The following ADGRE1 variants were observed in gnomAD, a reference collection of about 807,000 sequenced individuals.
ADGRE1 encodes adhesion G protein-coupled receptor E1.
Under a neutral mutation model 102.7 loss-of-function variants are expected in ADGRE1, and 82 were observed. The ratio of observed to expected loss-of-function variants is 0.80; its 90% CI spans 0.67 to 0.96. The LOEUF is 0.96. Among genes scored for constraint, ADGRE1 ranks in the 40% least tolerant of loss-of-function variants. The pLI is 0.00. For synonymous variants in ADGRE1, 398 were observed against 399.6 expected (o/e 1.00, Z 0.05); for missense variants, 1,032 against 1,085.3 (o/e 0.95, Z 0.69).
At chr19:6,906,563 G>T in intron 9 of ADGRE1, 42 bp downstream of exon 9, 1 of 1,574,748 alleles carries the variant, frequency 6.4e-7, no homozygotes, top group South Asian at 1.1e-5. Context: ...GGTTTTCTTA[G>T]AAGCCATTTA....
Position 6,893,275 on chromosome 19 carries a change from A to G in ADGRE1, c.94+2732A>G, listed in dbSNP as rs966431674. Among the ~76,000 whole-genome samples the G allele has an allele frequency of 5.3e-5, 8 of 152,150 alleles. No individual in the cohort carries two copies. The East Asian group carries it at 1.4e-3, about 26-fold the overall frequency. ...TGCAATGGCGCAATCTTGGGTCACC[A>G]CAACCTCCGCCTCCCCAGTTCAAGT... is the stretch of plus-strand genomic sequence containing the variant. On this transcript the variant is annotated intron_variant, in intron 2 of 20. Transcript: ENST00000312053.
Position 6,890,468 on chromosome 19 carries a change from T to C in ADGRE1, c.32-13T>C. 6.4e-7 allele frequency: 1 copy of C among 1,574,254 alleles called. No homozygotes were observed. Among genetic ancestry groups the C allele is most frequent in the Non-Finnish European group, 8.6e-7 (1 of 1,168,238 alleles). On this transcript the variant is annotated splice_polypyrimidine_tract_variant and intron_variant, in intron 1 of 20. Transcript: ENST00000312053. The stretch of plus-strand genomic sequence containing the variant: ...TTGGTGGTTCATGGTGTTTTTCTTT[T>C]CTTTCTTCACAGGATGTTGTGTTAT...
intron 10 of ADGRE1, among the ~76,000 whole-genome samples, chr19:6,913,325 C>A (rs10402930): frequency 2.2e-4 from 34 of 152,080 alleles, no homozygotes; most frequent in African/African-American, 8.2e-4. Flanking sequence ...ATTACTGGCA[C>A]GTGCCACCAT....
chr19:6,920,235 T>TC (rs200333100), intron 13 of ADGRE1, among the ~76,000 whole-genome samples: 5 of 148,854 alleles, frequency 3.4e-5, no homozygotes, highest in Admixed American at 6.7e-5. Flanking sequence ...TTGCTTCTTT[T>TC]TTTTTTTTTA....
intron 2 of ADGRE1, among the ~76,000 whole-genome samples, chr19:6,893,106 T>A (rs1394590505): frequency 6.6e-6 from 1 of 152,256 alleles, no homozygotes; most frequent in Non-Finnish European, 1.5e-5. Flanking sequence ...TCTTTCTGTG[T>A]CTGGTTTATT....
chr19:6,920,780 G>T (rs1322710130), intron 13 of ADGRE1, among the ~76,000 whole-genome samples: 1 of 152,126 alleles, frequency 6.6e-6, no homozygotes, highest in Non-Finnish European at 1.5e-5. Flanking sequence ...GAAGTGCTGG[G>T]ATTACAGGCA....
chr19:6,887,670 G>A (rs1272655775), intron 1 of ADGRE1, 31 bp downstream of exon 1: 1 of 1,603,226 alleles, frequency 6.2e-7, no homozygotes, highest in Non-Finnish European at 8.5e-7. Flanking sequence ...GGGGCTAGGG[G>A]AGGCCTGGAT....
At chr19:6,906,634 A>G in intron 9 of ADGRE1, 113 bp downstream of exon 9, 1 of 866,704 alleles carries the variant, frequency 1.2e-6, no homozygotes, top group Non-Finnish European at 1.8e-6. Context: ...AAAACCAGAC[A>G]GCAGTTTATT....
chr19:6,934,184 T>G (rs752490886), intron 17 of ADGRE1, among the ~76,000 whole-genome samples: 2 of 152,062 alleles, frequency 1.3e-5, no homozygotes, highest in Non-Finnish European at 2.9e-5. Flanking sequence ...TGGAGGCTGT[T>G]GCACGGATGG....
chr19:6,927,358 A>G (rs1438486205), intron 16 of ADGRE1, among the ~76,000 whole-genome samples: 1 of 148,248 alleles, frequency 6.7e-6, no homozygotes, highest in Non-Finnish European at 1.5e-5. Flanking sequence ...CGAATAAACA[A>G]TTTTATGAAA....
rs1974911501 is a variant in ADGRE1, at chr19:6,926,369, G to A, written c.1990G>A (p.Gly664Ser). ...AGIHKTDNKMGCAIIAGFLHY... is the reference protein window; with the variant it reads ...AGIHKTDNKMSCAIIAGFLHY... Reference sequence around the variant, plus strand: ...TGCGCATGCTTCTCCCCTCCAGATGGGCTGCGCCATCATCGCGGGCTTCCT... The same window carrying A: ...TGCGCATGCTTCTCCCCTCCAGATGAGCTGCGCCATCATCGCGGGCTTCCT... The change falls in exon 16 of 21, where the codon GGC becomes AGC. Residue 664 changes from glycine (G) to serine (S), a missense_variant. Physicochemically the swap from Gly to Ser is moderately conservative, Grantham distance 56. Transcript: ENST00000312053. The A allele has an allele frequency of 6.2e-7, 1 of 1,613,886 alleles. No individual in the cohort carries two copies. Among genetic ancestry groups the A allele is most frequent in the Non-Finnish European group, 8.5e-7 (1 of 1,180,022 alleles).
chr19:6,899,065 A>G (rs1302797248), intron 5 of ADGRE1, among the ~76,000 whole-genome samples: 2 of 152,166 alleles, frequency 1.3e-5, no homozygotes, highest in Non-Finnish European at 2.9e-5. Context: ...TAATTGCTTT[A>G]TAGGATCTGT....
chr19:6,913,683 A>G lies in ADGRE1; in HGVS notation c.1153A>G (p.Lys385Glu), dbSNP rs1295602065. The G allele has an allele frequency of 1.2e-6, 2 of 1,611,196 alleles. No homozygotes were observed. Among genetic ancestry groups the G allele is most frequent in the Non-Finnish European group, 1.7e-6 (2 of 1,178,374 alleles). The part of the protein sequence containing the change: ...NTTESFVPVL[K>E]QISTWTKFTK... ...AACTGAGAGCTTTGTCCCTGTGCTT[A>G]AACAAATATCCACGTGGACTAAATT... Residue 385 changes from lysine to glutamate, a missense_variant, in exon 11 of 21, where the codon AAA becomes GAA. By Grantham distance (56) the Lys-to-Glu change is moderately conservative. Transcript: ENST00000312053.
intron 11 of ADGRE1, 106 bp downstream of exon 11, chr19:6,913,936 G>C (rs1974289566): frequency 3.2e-6 from 4 of 1,266,084 alleles, no homozygotes; most frequent in Non-Finnish European, 4.3e-6. Flanking sequence ...TTCCCCAACT[G>C]TTTAAAAACT....
intron 1 of ADGRE1, among the ~76,000 whole-genome samples, chr19:6,888,943 A>G (rs144404125): frequency 1.3e-5 from 2 of 152,288 alleles, no homozygotes; most frequent in East Asian, 1.9e-4. Context: ...TGTGATAATG[A>G]TAGTGATGAT....
chr19:6,890,633 G>T (rs930945405), intron 2 of ADGRE1, 90 bp downstream of exon 2: 1 of 1,384,294 alleles, frequency 7.2e-7, no homozygotes, highest in Non-Finnish European at 1.0e-6. Context: ...GCCTCATCCA[G>T]ATGCTTGCTG....
chr19:6,919,441 TC>T, intron 12 of ADGRE1, 106 bp from the exon 13 acceptor site: 2 of 618,522 alleles, frequency 3.2e-6, no homozygotes, highest in African/African-American at 5.2e-5. Context: ...CCTCCCTCCC[TC>T]TGTGTGTGTG....
At chr19:6,898,728 A>G (rs1973661806) in intron 5 of ADGRE1, 4 of 745,464 alleles carry the variant, frequency 5.4e-6, no homozygotes, top group Non-Finnish European at 4.4e-6. Context: ...TAATTAATTA[A>G]GGGTCATCTC....
intron 6 of ADGRE1, 39 bp downstream of exon 6, chr19:6,902,060 T>G: frequency 6.2e-7 from 1 of 1,611,434 alleles, no homozygotes; most frequent in African/African-American, 1.3e-5. Flanking sequence ...GGTCCAAGTC[T>G]GTTTGAAAAG....
Sources: allele counts gnomAD v4.1 joint callset (sites outside exome capture counted in the v4.1 genomes callset), GRCh38; gene constraint gnomAD v4.1.1; transcripts MANE v1.5; gene names NCBI Gene and HGNC (gene_info 2026-07-23, HGNC 2026-07-21).